The following KIAA1549L variants were observed in gnomAD, a reference collection of about 807,000 sequenced individuals.
The protein encoded by KIAA1549L is UPF0606 protein KIAA1549L.
In KIAA1549L, 88 loss-of-function variants were observed where a neutral mutation model predicts 160.7. The observed-to-expected ratio is 0.55, with a 90% CI of 0.46 to 0.65. The LOEUF is 0.65. Among genes scored for constraint, KIAA1549L ranks in the 30% least tolerant of loss-of-function variants. The pLI is 0.00. For synonymous variants in KIAA1549L, 950 were observed against 976.7 expected (o/e 0.97, Z 0.51); for missense variants, 2,258 against 2,437.5 (o/e 0.93, Z 1.55).
In KIAA1549L at chr11:33,519,900, C is replaced by A. The variant is rs111813077; in HGVS notation, c.239-21902C>A. On this transcript the variant is annotated intron_variant, in intron 1 of 20. Coordinates refer to ENST00000658780, the MANE Select transcript of KIAA1549L (RefSeq NM_012194.3). ...GCAGTAAGAGGTACGAAATATCCTTCTCTATGATACTTACCTATCAAAGGA... is the reference window on the plus strand; with the variant it reads ...GCAGTAAGAGGTACGAAATATCCTTATCTATGATACTTACCTATCAAAGGA... Among the ~76,000 whole-genome samples the A allele has an allele frequency of 4.7e-3, 712 of 151,518 alleles. 1 individual carries two copies. The highest frequency in any genetic ancestry group is 7.9e-3 in the Non-Finnish European group (537 of 67,956).
At chr11:33,424,883 G>A (rs1215000690) in intron 1 of KIAA1549L, among the ~76,000 whole-genome samples, 1 of 152,178 alleles carries the variant, frequency 6.6e-6, no homozygotes, top group Non-Finnish European at 1.5e-5. Flanking sequence ...GAAGAATGAG[G>A]TTGGGAGAGG....
intron 1 of KIAA1549L, among the ~76,000 whole-genome samples, chr11:33,391,475 A>G (rs1850271811): frequency 6.6e-6 from 1 of 152,160 alleles, no homozygotes; most frequent in African/African-American, 2.4e-5. Context: ...GCCATCTCTC[A>G]GTTCATGTAA....
intron 16 of KIAA1549L, among the ~76,000 whole-genome samples, chr11:33,644,751 G>C (rs745883732): frequency 6.6e-6 from 1 of 152,194 alleles, no homozygotes; most frequent in Non-Finnish European, 1.5e-5. Context: ...TGTGGCATCC[G>C]CCACAAGGCA....
At chr11:33,625,266 A>G (rs908635795) in intron 16 of KIAA1549L, among the ~76,000 whole-genome samples, 1 of 152,030 alleles carries the variant, frequency 6.6e-6, no homozygotes, top group African/African-American at 2.4e-5. Context: ...TCCTTTGGGT[A>G]TATACCCAGT....
intron 12 of KIAA1549L, among the ~76,000 whole-genome samples, chr11:33,592,998 G>C (rs1024583579): frequency 1.4e-4 from 21 of 152,236 alleles, no homozygotes; most frequent in African/African-American, 4.8e-4. Context: ...TGGCAGATGA[G>C]TCTGGCAAGT....
intron 1 of KIAA1549L, among the ~76,000 whole-genome samples, chr11:33,476,025 C>G (rs2133037114): frequency 6.6e-6 from 1 of 152,276 alleles, no homozygotes; most frequent in South Asian, 2.1e-4. Flanking sequence ...GGCTGTAGAT[C>G]ACACACATGA....
chr11:33,426,914 C>T (rs1014924966), intron 1 of KIAA1549L, among the ~76,000 whole-genome samples: 1 of 151,954 alleles, frequency 6.6e-6, no homozygotes, highest in Non-Finnish European at 1.5e-5. Flanking sequence ...GTTTTCCTAC[C>T]CCCTATTATC....
At chr11:33,426,084 A>T (rs1851109712) in intron 1 of KIAA1549L, among the ~76,000 whole-genome samples, 2 of 152,240 alleles carry the variant, frequency 1.3e-5, no homozygotes, top group South Asian at 4.1e-4. Context: ...TCTGCATCAG[A>T]AAAAGGACAT....
At chr11:33,509,876 CCA>C (rs1853185731) in intron 1 of KIAA1549L, among the ~76,000 whole-genome samples, 1 of 152,164 alleles carries the variant, frequency 6.6e-6, no homozygotes. Context: ...GACTCCTGCA[CCA>C]CAGTGTTCCG....
intron 1 of KIAA1549L, among the ~76,000 whole-genome samples, chr11:33,407,095 T>C (rs1212705802): frequency 6.9e-6 from 1 of 144,278 alleles, no homozygotes; most frequent in Non-Finnish European, 1.5e-5. Context: ...TTTTTTTTTT[T>C]TTTTTTTGAG....
intron 17 of KIAA1549L, 129 bp from the exon 18 acceptor site, chr11:33,655,882 GA>G: frequency 1.5e-6 from 1 of 660,180 alleles, no homozygotes; most frequent in East Asian, 2.7e-5. Context: ...GAAGATCTTA[GA>G]AAAAAGTCTG....
intron 1 of KIAA1549L, among the ~76,000 whole-genome samples, chr11:33,533,596 T>C (rs1181770240): frequency 6.6e-6 from 1 of 152,232 alleles, no homozygotes; most frequent in African/African-American, 2.4e-5. Flanking sequence ...TTATTAAGCC[T>C]GATAGCCTTA....
At chr11:33,638,947 C>T (rs941550384) in intron 16 of KIAA1549L, among the ~76,000 whole-genome samples, 4 of 151,964 alleles carry the variant, frequency 2.6e-5, no homozygotes, top group Non-Finnish European at 5.9e-5. Context: ...AGCCTTTTGC[C>T]CAATTTCTAA....
chr11:33,382,339 TTAGA>T (rs1410441542), intron 1 of KIAA1549L, among the ~76,000 whole-genome samples: 2 of 151,790 alleles, frequency 1.3e-5, no homozygotes, highest in South Asian at 2.1e-4. Flanking sequence ...GAGAGTGGAG[TTAGA>T]TAGGCACTAG....
At position 33,408,891 on chromosome 11, in the gene KIAA1549L, A is replaced by G. The variant is rs1231729683; in HGVS notation, c.238+32002A>G. 2.1e-5 allele frequency among the ~76,000 whole-genome samples: 3 copies of G among 144,714 alleles called. No individual in the cohort carries two copies. In the East Asian group the frequency reaches 6.3e-4, roughly 30 times the overall value. 94.9% of individuals were successfully genotyped at this position (144,714 alleles called of 152,430 possible). A position where few individuals can be genotyped will look rare whatever the true frequency, so the allele number is the denominator to read the frequency against. On this transcript the variant is annotated intron_variant, in intron 1 of 20. Coordinates refer to ENST00000658780, the MANE Select transcript of KIAA1549L (RefSeq NM_012194.3). ...CTTGAATCCAGGAGGCAAAGGCTGCAGTGAGCCAAGATTTTGCCACTGCAC... is the reference window on the plus strand; with the variant it reads ...CTTGAATCCAGGAGGCAAAGGCTGCGGTGAGCCAAGATTTTGCCACTGCAC...
intron 1 of KIAA1549L, among the ~76,000 whole-genome samples, chr11:33,435,818 G>GTGTGTGTGTATATATATATATATGTA (rs1554976830): frequency 2.2e-5 from 1 of 45,308 alleles, no homozygotes; most frequent in Non-Finnish European, 4.3e-5. Flanking sequence ...ATATGTGTGT[G>GTGTGTGTGTATATATATATATATGTA]TATATATATA....
intron 1 of KIAA1549L, among the ~76,000 whole-genome samples, chr11:33,535,311 T>C (rs1853868884): frequency 1.3e-5 from 2 of 152,138 alleles, no homozygotes; most frequent in Admixed American, 6.5e-5. Flanking sequence ...CTGCTTGCAA[T>C]ATGCGGTATT....
intron 1 of KIAA1549L, among the ~76,000 whole-genome samples, chr11:33,462,826 A>G (rs747288922): frequency 2.0e-5 from 3 of 151,802 alleles, no homozygotes; most frequent in Non-Finnish European, 4.4e-5. Context: ...CCATTGTTCA[A>G]CGGCAGCTTT....
At chr11:33,594,567 G>A (rs930203383) in intron 12 of KIAA1549L, among the ~76,000 whole-genome samples, 6 of 152,178 alleles carry the variant, frequency 3.9e-5, no homozygotes, top group African/African-American at 1.4e-4. Context: ...TGGTTGCAGA[G>A]CAGCAAGAAA....
Sources: gnomAD v4.1 joint callset for allele counts (sites outside exome capture counted in the v4.1 genomes callset) on GRCh38, gnomAD v4.1.1 for gene constraint, MANE v1.5 for transcripts, NCBI Gene and HGNC (gene_info 2026-07-23, HGNC 2026-07-21) for gene names.